Variants in GJA10 observed in about 807,000 individuals in gnomAD.
The protein encoded by GJA10 is gap junction protein alpha 10.
For missense variants in GJA10, 685 were observed against 651.9 expected (o/e 1.05, Z -0.55); for synonymous variants, 239 against 233.0 (o/e 1.03, Z -0.23).
rs749801922 is a variant in GJA10 at position 89,894,514 on chromosome 6, T to A, written c.46T>A (p.Ser16Thr). 47 of 1,614,028 alleles carry A rather than the reference T, an allele frequency of 2.9e-5. No individual in the cohort carries two copies. The highest frequency in any genetic ancestry group is 3.9e-5 in the Non-Finnish European group (46 of 1,179,972). The stretch of plus-strand genomic sequence containing the variant: ...GGGTGGCATCCTAGAGGAAGTTCAC[T>A]CCCACTCAACCATAGTGGGGAAAAT... The part of the protein sequence containing the change: ...LLGGILEEVH[S>T]HSTIVGKIWL... The change falls in exon 1 of 1, where the codon TCC (serine) becomes ACC (threonine). Residue 16 changes from serine to threonine, a missense_variant. By Grantham distance (58) the Ser-to-Thr change is moderately conservative. Coordinates refer to ENST00000369352, the MANE Select transcript of GJA10 (RefSeq NM_032602.2).
At position 89,896,061 on chromosome 6, in the gene GJA10, A is replaced by G; in HGVS notation, c.1593A>G (p.Lys531=). ...DGGGDYLWRD[K]IIHSIHSVKF... is the part of the protein sequence containing the mutation. ...GGGGAGATTATTTATGGAGAGATAA[A>G]ATTATTCATTCGATACATTCAGTTA... Residue 531 remains lysine (K), a synonymous_variant, in exon 1 of 1, where the codon AAA becomes AAG. Transcript: ENST00000369352. The G allele has an allele frequency of 6.3e-7, 1 of 1,597,310 alleles. No individual in the cohort carries two copies. The highest frequency in any genetic ancestry group is 1.1e-5 in the South Asian group (1 of 89,986).
Position 89,896,062 on chromosome 6 carries a change from A to G in GJA10, c.1594A>G (p.Ile532Val), listed in dbSNP as rs1771760383. Reference sequence around the variant, plus strand: ...GGGAGATTATTTATGGAGAGATAAAATTATTCATTCGATACATTCAGTTAA... The same window carrying G: ...GGGAGATTATTTATGGAGAGATAAAGTTATTCATTCGATACATTCAGTTAA... ...GGGDYLWRDK[I>V]IHSIHSVKFN... is the part of the protein sequence containing the mutation. The change falls in exon 1 of 1, where the codon ATT becomes GTT. Residue 532 changes from isoleucine to valine, a missense_variant. Ile to Val is a conservative substitution (Grantham distance 29, BLOSUM62 3). Transcript: ENST00000369352. 1.3e-6 allele frequency: 2 copies of G among 1,597,484 alleles called. No individual in the cohort carries two copies. Among genetic ancestry groups the G allele is most frequent in the East Asian group, 4.5e-5 (2 of 44,450 alleles).
In GJA10 at chr6:89,895,251, G is replaced by A; in HGVS notation, c.783G>A (p.Leu261=). ...ATGAAACAGGCCCTCCATTCCATTT[G>A]AAGAAATATTCTGTGGCCCAGCAGT... ...IEDETGPPFH[L]KKYSVAQQCM... Residue 261 remains leucine, a synonymous_variant, in exon 1 of 1, where the codon TTG becomes TTA. Coordinates refer to ENST00000369352, the MANE Select transcript of GJA10 (RefSeq NM_032602.2). 11 of 1,614,140 alleles carry A rather than the reference G, an allele frequency of 6.8e-6. No individual in the cohort carries two copies. The highest frequency in any genetic ancestry group is 2.2e-5 in the East Asian group (1 of 44,880).
In GJA10 at chr6:89,894,868, G is replaced by T; in HGVS notation, c.400G>T (p.Glu134Ter). The change falls in exon 1 of 2, where the codon GAA becomes TAA. Residue 134 changes from glutamate to a stop codon, truncating the protein, a stop_gained. Transcript: ENST00000638915. LOFTEE classifies it high-confidence loss of function. ...GGAGGAGCAGCAAAGAATAGATAGG[G>T]AACTGAGGAGGTTAGAGGAGCAGAA... 1 of 1,614,202 alleles carries T rather than the reference G, an allele frequency of 6.2e-7. No homozygotes were observed. Among genetic ancestry groups the T allele is most frequent in the Non-Finnish European group, 8.5e-7 (1 of 1,180,040 alleles).
In GJA10 at chr6:89,894,922, T is replaced by A. The variant is rs1771720795; in HGVS notation, c.454T>A (p.Cys152Ser). ...GATCCATAAAGTCCCTCTGAAAGGA[T>A]GTCTGCTGCGTACTTATGTCTTACA... ...KRIHKVPLKG[C>S]LLRTYVLHIL... The change falls in exon 1 of 1, where the codon TGT becomes AGT. Residue 152 changes from cysteine to serine, a missense_variant. Cys to Ser is a moderately radical substitution (Grantham distance 112, BLOSUM62 -1). Coordinates refer to ENST00000369352, the MANE Select transcript of GJA10 (RefSeq NM_032602.2). The A allele has an allele frequency of 6.2e-7, 1 of 1,614,184 alleles. No individual in the cohort carries two copies. Among genetic ancestry groups the A allele is most frequent in the Non-Finnish European group, 8.5e-7 (1 of 1,180,032 alleles).
rs1402381686 is a variant in GJA10 at position 89,894,878 on chromosome 6, G to A, written c.410G>A (p.Arg137Lys). 4 of 1,614,186 alleles carry A rather than the reference G, an allele frequency of 2.5e-6. 1 individual carries two copies. In the South Asian group the frequency reaches 3.3e-5, roughly 13 times the overall value. ...EQQRIDRELRRLEEQKRIHKV... is the reference protein window; with the variant it reads ...EQQRIDRELRKLEEQKRIHKV... ...CAAAGAATAGATAGGGAACTGAGGA[G>A]GTTAGAGGAGCAGAAGAGGATCCAT... The change falls in exon 1 of 1, where the codon AGG (arginine) becomes AAG (lysine). Residue 137 changes from arginine (R) to lysine (K), a missense_variant. Coordinates refer to ENST00000369352, the MANE Select transcript of GJA10 (RefSeq NM_032602.2).
rs763069980 is a variant in GJA10, at chr6:89,895,930, A to T, written c.1462A>T (p.Ile488Phe). The T allele has an allele frequency of 2.1e-5, 34 of 1,614,002 alleles. No individual in the cohort carries two copies. Among genetic ancestry groups the T allele is most frequent in the Non-Finnish European group, 2.7e-5 (32 of 1,180,032 alleles). ...TSMVRQAALP[I>F]MELSQELFHS... is the part of the protein sequence containing the mutation. ...AATGGTAAGACAGGCAGCCCTACCGATCATGGAACTATCACAAGAGCTGTT... is the reference window on the plus strand; with the variant it reads ...AATGGTAAGACAGGCAGCCCTACCGTTCATGGAACTATCACAAGAGCTGTT... Residue 488 changes from isoleucine to phenylalanine, a missense_variant, in exon 1 of 1, where the codon ATC (isoleucine) becomes TTC (phenylalanine). By Grantham distance (21) the Ile-to-Phe change is conservative (BLOSUM62 0). Transcript: ENST00000369352.
chr6:89,895,410 C>T lies in GJA10; in HGVS notation c.942C>T (p.Asp314=). The T allele has an allele frequency of 6.2e-7, 1 of 1,614,204 alleles. No individual in the cohort carries two copies. The highest frequency in any genetic ancestry group is 8.5e-7 in the Non-Finnish European group (1 of 1,180,042). Residue 314 remains aspartate (D), a synonymous_variant, in exon 1 of 1, where the codon GAC becomes GAT. Coordinates refer to ENST00000369352, the MANE Select transcript of GJA10 (RefSeq NM_032602.2). ...QIPQPRQLEV[D]PSNGKKDWSE... The stretch of plus-strand genomic sequence containing the variant: ...CACAGCCAAGGCAACTTGAAGTAGA[C>T]CCTTCCAATGGGAAAAAGGACTGGT...
Position 89,895,149 on chromosome 6 carries a change from A to AC in GJA10, c.682dup (p.Leu228ProfsTer17). 6.2e-7 allele frequency: 1 copy of AC among 1,614,074 alleles called. No individual in the cohort carries two copies. The highest frequency in any genetic ancestry group is 8.5e-7 in the Non-Finnish European group (1 of 1,180,016). The stretch of plus-strand genomic sequence containing the variant: ...CAGCCATTTCCTTGTTACTCAATAT[A>AC]CTGGAAATATTTCATCTAGGCATCA... On this transcript the variant is annotated frameshift_variant, in exon 1 of 2. Coordinates refer to the GJA10 transcript ENST00000638915. LOFTEE classifies it high-confidence loss of function.
rs541319312 is a variant in GJA10 at position 89,895,217 on chromosome 6, G to A, written c.749G>A (p.Gly250Asp). ...RTLYKKSSSE[G>D]IEDETGPPFH... ...CTTTATAAGAAATCCAGCAGTGAGG[G>A]CATTGAGGATGAAACAGGCCCTCCA... is the stretch of plus-strand genomic sequence containing the variant. The change falls in exon 1 of 1, where the codon GGC (glycine) becomes GAC (aspartate). Residue 250 changes from glycine (G) to aspartate (D), a missense_variant. Gly to Asp is a moderately conservative substitution (Grantham distance 94, BLOSUM62 -1). Transcript: ENST00000369352. The A allele has an allele frequency of 3.1e-6, 5 of 1,614,022 alleles. No homozygotes were observed. Among genetic ancestry groups the A allele is most frequent in the Non-Finnish European group, 4.2e-6 (5 of 1,180,034 alleles).
rs750121352 is a variant in GJA10, at chr6:89,895,046, C to T, written c.578C>T (p.Pro193Leu). 7.4e-6 allele frequency: 12 copies of T among 1,614,190 alleles called. No individual in the cohort carries two copies. The East Asian group carries it at 2.5e-4, about 33-fold the overall frequency. The change falls in exon 1 of 1, where the codon CCT becomes CTT. Residue 193 changes from proline (P) to leucine (L), a missense_variant. Coordinates refer to ENST00000369352, the MANE Select transcript of GJA10 (RefSeq NM_032602.2). Reference sequence around the variant, plus strand: ...CCCCTTTACAAATGCACTCAACCTCCTTGCCCCAATGCGGTGGATTGCTTT... The same window carrying T: ...CCCCTTTACAAATGCACTCAACCTCTTTGCCCCAATGCGGTGGATTGCTTT... Reference protein sequence around the residue: ...MHPLYKCTQPPCPNAVDCFVS... With the variant: ...MHPLYKCTQPLCPNAVDCFVS...
Position 89,895,568 on chromosome 6 carries a change from C to G in GJA10, c.1100C>G (p.Ser367Cys), listed in dbSNP as rs142278212. The change falls in exon 1 of 1, where the codon TCC (serine) becomes TGC (cysteine). Residue 367 changes from serine (S) to cysteine (C), a missense_variant. Physicochemically the swap from Ser to Cys is moderately radical, Grantham distance 112. Transcript: ENST00000369352. ...SFGLQNTMSQ[S>C]WLGTTTAPRN... The stretch of plus-strand genomic sequence containing the variant: ...GGCCTGCAGAATACAATGTCTCAGT[C>G]CTGGCTAGGTACAACTACGGCTCCT... 112 of 1,614,166 alleles carry G rather than the reference C, an allele frequency of 6.9e-5. No homozygotes were observed. The South Asian group carries it at 1.2e-3, about 17-fold the overall frequency.
At position 89,896,035 on chromosome 6, in the gene GJA10, G is replaced by A. The variant is rs1562287407; in HGVS notation, c.1567G>A (p.Gly523Arg). 6.2e-7 allele frequency: 1 copy of A among 1,610,254 alleles called. No individual in the cohort carries two copies. The highest frequency in any genetic ancestry group is 8.5e-7 in the Non-Finnish European group (1 of 1,176,774). ...YVCVDREADGGGDYLWRDKII... is the reference protein window; with the variant it reads ...YVCVDREADGRGDYLWRDKII... The stretch of plus-strand genomic sequence containing the variant: ...TTGTGTTGACAGAGAGGCAGATGGA[G>A]GGGGAGATTATTTATGGAGAGATAA... The change falls in exon 1 of 1, where the codon GGG becomes AGG. Residue 523 changes from glycine (G) to arginine (R), a missense_variant. By Grantham distance (125) the Gly-to-Arg change is moderately radical. Transcript: ENST00000369352.
chr6:89,895,005 T>G lies in GJA10; in HGVS notation c.537T>G (p.Tyr179Ter). ...TCATGATAGGCCAATATATTCTCTA[T>G]GGGTTTCAAATGCACCCCCTTTACA... The change falls in exon 1 of 2, where the codon TAT (tyrosine) becomes TAG (stop). Residue 179 changes from tyrosine (Y) to a stop codon, truncating the protein, a stop_gained. Transcript: ENST00000638915. LOFTEE classifies it high-confidence loss of function. 1.2e-6 allele frequency: 2 copies of G among 1,614,230 alleles called. No homozygotes were observed. Among genetic ancestry groups the G allele is most frequent in the Non-Finnish European group, 1.7e-6 (2 of 1,180,042 alleles).
In GJA10 at chr6:89,896,079, T is replaced by C. The variant is rs1467736356; in HGVS notation, c.1611T>C (p.His537=). The C allele has an allele frequency of 5.1e-6, 8 of 1,582,052 alleles. No individual in the cohort carries two copies. The highest frequency in any genetic ancestry group is 6.9e-6 in the Non-Finnish European group (8 of 1,161,626). The change falls in exon 1 of 1, where the codon CAT becomes CAC. Residue 537 remains histidine (H), a synonymous_variant. Coordinates refer to ENST00000369352, the MANE Select transcript of GJA10 (RefSeq NM_032602.2). ...GAGATAAAATTATTCATTCGATACA[T>C]TCAGTTAAATTCAATTCATAAAATA... is the stretch of plus-strand genomic sequence containing the variant. ...LWRDKIIHSI[H]SVKFNS
At position 89,894,695 on chromosome 6, in the gene GJA10, G is replaced by A; in HGVS notation, c.227G>A (p.Arg76Lys). The A allele has an allele frequency of 1.9e-6, 3 of 1,614,202 alleles. No individual in the cohort carries two copies. Among genetic ancestry groups the A allele is most frequent in the Admixed American group, 1.7e-5 (1 of 60,028 alleles). ...YDDAFPISLI[R>K]FWVLQIIFVS... ...GATGCATTCCCTATCTCTTTGATCA[G>A]GTTCTGGGTTTTACAGATCATCTTT... The change falls in exon 1 of 1, where the codon AGG (arginine) becomes AAG (lysine). Residue 76 changes from arginine to lysine, a missense_variant. Coordinates refer to ENST00000369352, the MANE Select transcript of GJA10 (RefSeq NM_032602.2).
At position 89,895,144 on chromosome 6, in the gene GJA10, AAT is replaced by A; in HGVS notation, c.680_681del (p.Ile227ThrfsTer17). 1 of 1,614,092 alleles carries A rather than the reference AAT, an allele frequency of 6.2e-7. No homozygotes were observed. Among genetic ancestry groups the A allele is most frequent in the East Asian group, 2.2e-5 (1 of 44,884 alleles). The stretch of plus-strand genomic sequence containing the variant: ...CATTGCAGCCATTTCCTTGTTACTC[AAT>A]ATACTGGAAATATTTCATCTAGGCA... On this transcript the variant is annotated frameshift_variant, in exon 1 of 2. Transcript: ENST00000638915. LOFTEE classifies it high-confidence loss of function.
At position 89,894,733 on chromosome 6, in the gene GJA10, T is replaced by G. The variant is rs1258980749; in HGVS notation, c.265T>G (p.Ser89Ala). Residue 89 changes from serine to alanine, a missense_variant, in exon 1 of 1, where the codon TCT becomes GCT. Physicochemically the swap from Ser to Ala is moderately conservative, Grantham distance 99 (BLOSUM62 1). Transcript: ENST00000369352. ...ACAGATCATCTTTGTGTCTTCTCCT[T>G]CTTTGGTCTATATGGGCCATGCACT... ...VLQIIFVSSPSLVYMGHALYR... is the reference protein window; with the variant it reads ...VLQIIFVSSPALVYMGHALYR... 6.2e-7 allele frequency: 1 copy of G among 1,614,218 alleles called. No individual in the cohort carries two copies. Among genetic ancestry groups the G allele is most frequent in the Middle Eastern group, 1.6e-4 (1 of 6,062 alleles).
rs1771708576 is a variant in GJA10 at position 89,894,516 on chromosome 6, C to T, written c.48C>T (p.Ser16=). ...GTGGCATCCTAGAGGAAGTTCACTC[C>T]CACTCAACCATAGTGGGGAAAATCT... is the stretch of plus-strand genomic sequence containing the variant. ...LLGGILEEVH[S]HSTIVGKIWL... Residue 16 remains serine, a synonymous_variant, in exon 1 of 1, where the codon TCC becomes TCT. Coordinates refer to ENST00000369352, the MANE Select transcript of GJA10 (RefSeq NM_032602.2). 6.2e-7 allele frequency: 1 copy of T among 1,613,954 alleles called. No individual in the cohort carries two copies. Among genetic ancestry groups the T allele is most frequent in the African/African-American group, 1.3e-5 (1 of 74,906 alleles).
Sources: gnomAD v4.1 joint callset for allele counts on GRCh38, gnomAD v4.1.1 for gene constraint, MANE v1.5 for transcripts, NCBI Gene and HGNC (gene_info 2026-07-23, HGNC 2026-07-21) for gene names.